The following KAT2B variants were observed in gnomAD, a reference collection of about 807,000 sequenced individuals.
KAT2B encodes the protein histone acetyltransferase KAT2B.
A neutral mutation model predicts 105.9 loss-of-function variants in KAT2B; 36 were observed. That is an observed-to-expected ratio of 0.34 (90% CI 0.26 to 0.45). The LOEUF (loss-of-function observed/expected upper bound fraction) is 0.45, where lower values mean the gene tolerates loss of function less well. Ranked by LOEUF, KAT2B falls within the 20% of genes least tolerant of loss-of-function variation. The probability of loss-of-function intolerance (pLI) is 1.00; values close to 1 mark genes in which losing one functional copy is unlikely to be tolerated. For missense variants in KAT2B, 820 were observed against 1,021.6 expected (o/e 0.80, Z 2.69); for synonymous variants, 397 against 377.9 (o/e 1.05, Z -0.59).
intron 5 of KAT2B, among the ~76,000 whole-genome samples, chr3:20,110,967 G>T (rs2125165668): frequency 6.6e-6 from 1 of 152,196 alleles, no homozygotes; most frequent in East Asian, 1.9e-4. Flanking sequence ...CTACATTTTT[G>T]ACTGAGTTTT....
chr3:20,075,921 A>C (rs1043348819), intron 2 of KAT2B, among the ~76,000 whole-genome samples: 13 of 151,616 alleles, frequency 8.6e-5, no homozygotes, highest in Non-Finnish European at 1.2e-4. Context: ...AAAAAAAAAA[A>C]AAATTTTTTT....
At chr3:20,092,575 A>G (rs180853978) in intron 2 of KAT2B, among the ~76,000 whole-genome samples, 163 of 151,308 alleles carry the variant, frequency 1.1e-3, no homozygotes, top group Non-Finnish European at 2.0e-3. Context: ...TATATATTTT[A>G]TATATTTACA....
intron 1 of KAT2B, among the ~76,000 whole-genome samples, chr3:20,046,744 G>A (rs1370775610): frequency 1.3e-5 from 2 of 152,120 alleles, no homozygotes; most frequent in African/African-American, 4.8e-5. Flanking sequence ...GTATTTGTCA[G>A]TCACTCCCCC....
At chr3:20,107,219 C>T (rs1342546313) in intron 5 of KAT2B, among the ~76,000 whole-genome samples, 7 of 147,360 alleles carry the variant, frequency 4.8e-5, no homozygotes, top group South Asian at 4.3e-4. Flanking sequence ...TTAGTAGAGA[C>T]GGCGTTTCAC....
At chr3:20,134,204 T>A (rs1699560752) in intron 11 of KAT2B, among the ~76,000 whole-genome samples, 1 of 152,220 alleles carries the variant, frequency 6.6e-6, no homozygotes, top group South Asian at 2.1e-4. Context: ...TGCCCACTTT[T>A]CCTATATCTT....
intron 1 of KAT2B, among the ~76,000 whole-genome samples, chr3:20,062,152 A>T (rs1228883171): frequency 1.2e-5 from 1 of 86,946 alleles, no homozygotes; most frequent in South Asian, 3.5e-4. Context: ...ATATATAAAA[A>T]TATATAATAT....
chr3:20,070,520 A>G (rs71316245), intron 1 of KAT2B, among the ~76,000 whole-genome samples: 62,976 of 149,310 alleles, frequency 0.42, 13,613 homozygotes, highest in South Asian at 0.5. Flanking sequence ...TAGCCAGGGT[A>G]ATCTCGATCT....
At position 20,126,075 on chromosome 3, in the gene KAT2B, A is replaced by C. The variant is rs1699398689; in HGVS notation, c.1584A>C (p.Arg528=). ...ACGTTTTCTCCCACCAGCTGCCCCG[A>C]ATGCCAAAAGAATACATCACACGGC... The part of the protein sequence containing the change: ...LQNVFSHQLP[R]MPKEYITRLV... Residue 528 remains arginine, a synonymous_variant, in exon 10 of 18, where the codon CGA becomes CGC. Transcript: ENST00000263754. 1 of 1,612,592 alleles carries C rather than the reference A, an allele frequency of 6.2e-7. No individual in the cohort carries two copies. Among genetic ancestry groups the C allele is most frequent in the Non-Finnish European group, 8.5e-7 (1 of 1,179,196 alleles).
chr3:20,096,818 A>C (rs1438709695), intron 3 of KAT2B, among the ~76,000 whole-genome samples: 1 of 151,898 alleles, frequency 6.6e-6, no homozygotes, highest in Non-Finnish European at 1.5e-5. Context: ...CCTTTTTATT[A>C]ACTTTTGTCT....
chr3:20,136,882 A>G (rs1258664051), intron 11 of KAT2B, 60 bp from the exon 12 acceptor site: 1 of 828,754 alleles, frequency 1.2e-6, no homozygotes, highest in Non-Finnish European at 2.0e-6. Context: ...TTCCTGATGG[A>G]TTTGTAAAAA....
chr3:20,131,598 T>G (rs929011279), intron 11 of KAT2B, among the ~76,000 whole-genome samples: 1 of 152,114 alleles, frequency 6.6e-6, no homozygotes, highest in Non-Finnish European at 1.5e-5. Flanking sequence ...GATGGGGTTT[T>G]GCTCTGTTGC....
intron 2 of KAT2B, among the ~76,000 whole-genome samples, chr3:20,073,195 C>T (rs1181473738): frequency 5.3e-5 from 8 of 152,154 alleles, no homozygotes; most frequent in African/African-American, 9.7e-5. Flanking sequence ...TTTCAGTCCA[C>T]GAAGAATCTT....
chr3:20,151,413 T>C (rs570070130), intron 17 of KAT2B, among the ~76,000 whole-genome samples: 28 of 152,222 alleles, frequency 1.8e-4, no homozygotes, highest in Admixed American at 1.0e-3. Context: ...AACATACTTA[T>C]AATTTGGGAT....
chr3:20,145,554 G>GTTTTTTT (rs550166293), intron 13 of KAT2B, among the ~76,000 whole-genome samples: 1,622 of 91,938 alleles, frequency 0.018, 50 homozygotes, highest in Non-Finnish European at 0.025. Flanking sequence ...GATTTTTTTA[G>GTTTTTTT]TTTTTTTTTT....
chr3:20,093,124 G>C (rs1369679191), intron 2 of KAT2B, among the ~76,000 whole-genome samples: 1 of 152,184 alleles, frequency 6.6e-6, no homozygotes, highest in African/African-American at 2.4e-5. Context: ...AGACATGTTA[G>C]TTTGAGTTCC....
chr3:20,040,864 C>T, intron 1 of KAT2B, 84 bp downstream of exon 1: 4 of 1,393,306 alleles, frequency 2.9e-6, no homozygotes, highest in South Asian at 1.5e-5. Context: ...CTTCCACCTC[C>T]GCCTCCCGCC....
At chr3:20,104,690 A>G (rs1214334487) in intron 5 of KAT2B, among the ~76,000 whole-genome samples, 3 of 152,342 alleles carry the variant, frequency 2.0e-5, no homozygotes, top group African/African-American at 4.8e-5. Flanking sequence ...TGTTTGCAGT[A>G]TATCAGTCTG....
chr3:20,093,313 T>A (rs1698755268), intron 2 of KAT2B, among the ~76,000 whole-genome samples: 1 of 152,204 alleles, frequency 6.6e-6, no homozygotes, highest in South Asian at 2.1e-4. Context: ...GGAGCTGGTG[T>A]AGAACACTTA....
intron 16 of KAT2B, 41 bp from the exon 17 acceptor site, chr3:20,148,362 G>T: frequency 6.2e-7 from 1 of 1,609,522 alleles, no homozygotes; most frequent in Non-Finnish European, 8.5e-7. Flanking sequence ...TTCCCACATG[G>T]AATTTCCATA....
Sources: allele counts gnomAD v4.1 joint callset (sites outside exome capture counted in the v4.1 genomes callset), GRCh38; gene constraint gnomAD v4.1.1; transcripts MANE v1.5; gene names NCBI Gene and HGNC (gene_info 2026-07-23, HGNC 2026-07-21).